Variants in SUPT16H observed in about 807,000 individuals in gnomAD.
The protein encoded by SUPT16H is SPT16 homolog, facilitates chromatin remodeling subunit, also known as FACT complex subunit SPT16.
Under a neutral mutation model 136.2 loss-of-function variants are expected in SUPT16H, and 24 were observed. That is an observed-to-expected ratio of 0.18 (90% CI 0.13 to 0.25). SUPT16H has a LOEUF of 0.25. Among genes scored for constraint, SUPT16H ranks in the 10% least tolerant of loss-of-function variants. The pLI, the probability that SUPT16H is intolerant of heterozygous loss-of-function variation, is 1.00. For missense variants in SUPT16H, 623 were observed against 1,270.2 expected (o/e 0.49, Z 7.74); for synonymous variants, 415 against 428.2 (o/e 0.97, Z 0.38).
intron 18 of SUPT16H, among the ~76,000 whole-genome samples, chr14:21,360,030 T>C (rs1159905388): frequency 3.9e-5 from 6 of 152,210 alleles, no homozygotes; most frequent in South Asian, 2.1e-4. Context: ...GGTGATTTTT[T>C]CATCACTTTT....
intron 1 of SUPT16H, 141 bp downstream of exon 1, chr14:21,383,721 G>A (rs1324820311): frequency 1.1e-6 from 1 of 938,516 alleles, no homozygotes; most frequent in Admixed American, 1.9e-5. Context: ...CGCCTCCGGT[G>A]AATGATTCGG....
At chr14:21,363,180 C>A (rs1886593039) in intron 12 of SUPT16H, 31 bp from the exon 13 acceptor site, 2 of 1,613,958 alleles carry the variant, frequency 1.2e-6, no homozygotes, top group African/African-American at 2.7e-5. Context: ...TTTATCACAA[C>A]ACGTGAGCCA....
At chr14:21,363,582 T>C in intron 10 of SUPT16H, 79 bp from the exon 11 acceptor site, 1 of 1,265,510 alleles carries the variant, frequency 7.9e-7, no homozygotes, top group South Asian at 1.3e-5. Flanking sequence ...GGCTGGGCAA[T>C]GCTTTGAATC....
At chr14:21,367,029 C>T (rs898047497) in intron 7 of SUPT16H, among the ~76,000 whole-genome samples, 8 of 152,146 alleles carry the variant, frequency 5.3e-5, no homozygotes, top group South Asian at 4.1e-4. Context: ...CAAGCTCCAC[C>T]TCCCGGATTC....
At chr14:21,355,796 C>A (rs1463053084) in intron 22 of SUPT16H, among the ~76,000 whole-genome samples, 1 of 152,096 alleles carries the variant, frequency 6.6e-6, no homozygotes, top group African/African-American at 2.4e-5. Context: ...TAAAAACAAA[C>A]AACCATAAAA....
In SUPT16H at chr14:21,377,836, G is replaced by A. The variant is rs569526944; in HGVS notation, c.67-4406C>T. ...ATGGGGTTTCGCCATGTCGGCCAGG[G>A]TAGTCTTGAGCTCCTGGCCTTAAGT... On this transcript the variant is annotated intron_variant, in intron 1 of 25. Coordinates refer to ENST00000216297, the MANE Select transcript of SUPT16H (RefSeq NM_007192.4). Among the ~76,000 whole-genome samples, 5 of 152,268 alleles carry A rather than the reference G, an allele frequency of 3.3e-5. No individual in the cohort carries two copies. In the East Asian group the frequency reaches 5.8e-4, roughly 18 times the overall value.
chr14:21,354,783 G>C (rs1886391890), intron 22 of SUPT16H: 2 of 315,100 alleles, frequency 6.3e-6, no homozygotes, highest in Non-Finnish European at 1.2e-5. Context: ...GTAGAGACAG[G>C]GTTTTGCCAT....
intron 1 of SUPT16H, among the ~76,000 whole-genome samples, chr14:21,380,780 C>G (rs1887005546): frequency 6.6e-6 from 1 of 152,094 alleles, no homozygotes; most frequent in African/African-American, 2.4e-5. Context: ...AAATGATATA[C>G]AGATATGCCT....
chr14:21,361,392 C>T (rs1331186220), intron 15 of SUPT16H, 179 bp from the exon 16 acceptor site: 5 of 717,114 alleles, frequency 7.0e-6, no homozygotes, highest in Non-Finnish European at 9.2e-6. Flanking sequence ...TCTTAGCTCA[C>T]TGCAACCTTC....
rs8007710 is a variant in SUPT16H, at chr14:21,368,936, G to A, written c.782+268C>T. Among the ~76,000 whole-genome samples, 1,485 of 152,194 alleles carry A rather than the reference G, an allele frequency of 9.8e-3. 22 individuals are homozygous for A. The highest frequency in any genetic ancestry group is 0.032 in the African/African-American group (1,315 of 41,522). On this transcript the variant is annotated intron_variant, in intron 6 of 25. Transcript: ENST00000216297. Reference sequence around the variant, plus strand: ...AGGGTAAGTGTGTAGGGGGGCAGGCGAGGATGAAAAGAAGTGGGTTAAAAG... The same window carrying A: ...AGGGTAAGTGTGTAGGGGGGCAGGCAAGGATGAAAAGAAGTGGGTTAAAAG...
rs190629536 is a variant in SUPT16H at position 21,370,837 on chromosome 14, G to A, written c.331-349C>T. ...TGTTGCCAGGCTGGAGTGCAGCGGC[G>A]CAATCTACACTCACTGCAACCTCAG... On this transcript the variant is annotated intron_variant, in intron 3 of 25. Transcript: ENST00000216297. Among the ~76,000 whole-genome samples the A allele has an allele frequency of 1.1e-4, 17 of 151,192 alleles. No individual in the cohort carries two copies. In the East Asian group the frequency reaches 1.6e-3, roughly 14 times the overall value.
rs73579641 is a variant in SUPT16H, at chr14:21,370,204, C to T, written c.483+132G>A. 4.9e-3 allele frequency: 6,187 copies of T among 1,252,946 alleles called. 241 individuals carry two copies. In the African/African-American group the frequency reaches 0.081, roughly 16 times the overall value. The allele number at this position is 1,252,946 out of a possible 1,614,324, so 77.6% of individuals were successfully genotyped here. On this transcript the variant is annotated intron_variant, in intron 4 of 25. Coordinates refer to ENST00000216297, the MANE Select transcript of SUPT16H (RefSeq NM_007192.4). ...AAAAAAATAAAACTGGCACACTGCT[C>T]AGCCAAAGGGGATAAAATGTAAACA...
At chr14:21,378,638 T>G (rs1470596609) in intron 1 of SUPT16H, among the ~76,000 whole-genome samples, 1 of 152,114 alleles carries the variant, frequency 6.6e-6, no homozygotes, top group Non-Finnish European at 1.5e-5. Flanking sequence ...GGTAGGGAAG[T>G]TGGAATGAGT....
intron 21 of SUPT16H, 87 bp downstream of exon 21, chr14:21,357,840 A>G: frequency 7.8e-7 from 1 of 1,289,172 alleles, no homozygotes; most frequent in Non-Finnish European, 1.1e-6. Context: ...TCAAAAATGA[A>G]AATGACAATA....
Position 21,363,348 on chromosome 14 carries a change from C to G in SUPT16H, c.1300-20G>C. The G allele has an allele frequency of 6.3e-7, 1 of 1,596,890 alleles. No homozygotes were observed. The highest frequency in any genetic ancestry group is 1.1e-5 in the South Asian group (1 of 89,394). On this transcript the variant is annotated intron_variant, in intron 11 of 25. Coordinates refer to ENST00000216297, the MANE Select transcript of SUPT16H (RefSeq NM_007192.4). ...TTCATTCTATGGAAAAAGTCATAAT[C>G]AAAAAATGAAATTTTAATTATTTTA...
chr14:21,354,573 T>C (rs1472806772), intron 22 of SUPT16H, 33 bp from the exon 23 acceptor site: 1 of 1,609,396 alleles, frequency 6.2e-7, no homozygotes, highest in African/African-American at 1.3e-5. Flanking sequence ...GTCAAATCAA[T>C]CTTCTGTATT....
rs769398370 is a variant in SUPT16H, at chr14:21,366,508, T to A, written c.977A>T (p.Tyr326Phe). Residue 326 changes from tyrosine to phenylalanine, a missense_variant, in exon 8 of 26, where the codon TAT becomes TTT. Coordinates refer to ENST00000216297, the MANE Select transcript of SUPT16H (RefSeq NM_007192.4). ...LRHGVKICDV[Y>F]NAVMDVVKKQ... ...TTTAACCACGTCCATGACAGCGTTATACACGTCACATATCTTCACACCTAA... is the reference window on the plus strand; with the variant it reads ...TTTAACCACGTCCATGACAGCGTTAAACACGTCACATATCTTCACACCTAA... 5 of 1,614,012 alleles carry A rather than the reference T, an allele frequency of 3.1e-6. No individual in the cohort carries two copies. In the African/African-American group the frequency reaches 6.7e-5, roughly 22 times the overall value.
intron 7 of SUPT16H, 67 bp downstream of exon 7, chr14:21,368,202 C>T: frequency 2.0e-6 from 3 of 1,527,474 alleles, no homozygotes; most frequent in East Asian, 4.5e-5. Flanking sequence ...CAGGTGTGAC[C>T]CACAGCTCCC....
intron 9 of SUPT16H, 26 bp from the exon 10 acceptor site, chr14:21,364,965 C>CT (rs1566387187): frequency 1.2e-6 from 2 of 1,612,190 alleles, no homozygotes; most frequent in South Asian, 2.2e-5. Flanking sequence ...AAGGATCAGT[C>CT]TGTGGCTGTG....
Sources: gnomAD v4.1 joint callset for allele counts (sites outside exome capture counted in the v4.1 genomes callset) on GRCh38, gnomAD v4.1.1 for gene constraint, MANE v1.5 for transcripts, NCBI Gene and HGNC (gene_info 2026-07-23, HGNC 2026-07-21) for gene names.